Variants in CSNK2A1 observed in about 807,000 individuals in gnomAD.
The protein encoded by CSNK2A1 is casein kinase 2 alpha 1, also known as casein kinase II subunit alpha.
CSNK2A1 carries 10 observed loss-of-function variants against 62.9 expected under a neutral mutation model. That is an observed-to-expected ratio of 0.16 (90% CI 0.10 to 0.27). The LOEUF (loss-of-function observed/expected upper bound fraction) is 0.27. Among genes scored for constraint, CSNK2A1 ranks in the 10% least tolerant of loss-of-function variants. The pLI, the probability that CSNK2A1 is intolerant of heterozygous loss-of-function variation, is 1.00. For missense variants in CSNK2A1, 160 were observed against 492.0 expected, an observed-to-expected ratio of 0.33 and a Z score of 6.38; for synonymous variants, 124 against 167.8, an observed-to-expected ratio of 0.74 and a Z score of 2.02.
intron 12 of CSNK2A1, 103 bp from the exon 13 acceptor site, chr20:486,565 T>C (rs1156919589): frequency 5.1e-6 from 6 of 1,171,448 alleles, no homozygotes; most frequent in Non-Finnish European, 7.1e-6. Flanking sequence ...AATTTATATA[T>C]ACTCTACATT....
chr20:486,621 G>C (rs2018105093), intron 12 of CSNK2A1, 159 bp from the exon 13 acceptor site: 4 of 659,902 alleles, frequency 6.1e-6, no homozygotes, highest in Admixed American at 6.6e-5. Flanking sequence ...CCATGAATTA[G>C]ACAAGTGGTA....
In CSNK2A1 at chr20:508,793, A is replaced by G. The variant is rs141337263; in HGVS notation, c.-109-133T>C. 9.6e-3 allele frequency: 4,113 copies of G among 428,050 alleles called. 31 individuals carry two copies. Among genetic ancestry groups the G allele is most frequent in the Middle Eastern group, 0.027 (45 of 1,658 alleles). 26.5% of individuals were successfully genotyped at this position (428,050 alleles called of 1,614,324 possible). On this transcript the variant is annotated intron_variant, in intron 2 of 13. Transcript: ENST00000217244. ...ACCTACAGCCAATAAATATAGCTCA[A>G]CTGTGTTAACCAGTGCTTCCTATAA...
chr20:531,586 A>G (rs2019214145), intron 1 of CSNK2A1, among the ~76,000 whole-genome samples: 2 of 152,110 alleles, frequency 1.3e-5, no homozygotes, highest in African/African-American at 2.4e-5. Context: ...TTTTTTGAAG[A>G]AAAAAATTAT....
At chr20:516,456 T>C (rs2018830954) in intron 2 of CSNK2A1, among the ~76,000 whole-genome samples, 1 of 152,210 alleles carries the variant, frequency 6.6e-6, no homozygotes, top group Non-Finnish European at 1.5e-5. Context: ...GACCTATTCT[T>C]TAATAAAGTA....
intron 2 of CSNK2A1, among the ~76,000 whole-genome samples, chr20:519,305 T>C (rs564451298): frequency 3.9e-5 from 6 of 152,320 alleles, no homozygotes; most frequent in South Asian, 2.1e-4. Context: ...CTGAAGACAG[T>C]TGAAAATATC....
intron 8 of CSNK2A1, chr20:494,508 T>C (rs181177701): frequency 2.6e-5 from 4 of 152,322 alleles, no homozygotes; most frequent in Admixed American, 6.5e-5. Flanking sequence ...ATGCCAAACT[T>C]TGCATTCCTA....
At chr20:512,214 T>A (rs1165497373) in intron 2 of CSNK2A1, among the ~76,000 whole-genome samples, 2 of 152,030 alleles carry the variant, frequency 1.3e-5, no homozygotes, top group African/African-American at 2.4e-5. Context: ...TCTTCTTTTT[T>A]TTTTTTCAGT....
intron 2 of CSNK2A1, among the ~76,000 whole-genome samples, chr20:513,848 C>G (rs899186761): frequency 4.6e-5 from 7 of 152,336 alleles, no homozygotes; most frequent in African/African-American, 9.6e-5. Context: ...AACAAGCTAA[C>G]TATTTTTGCA....
chr20:526,900 C>T, intron 2 of CSNK2A1: 1 of 151,706 alleles, frequency 6.6e-6, no homozygotes, highest in Non-Finnish European at 1.5e-5. Context: ...TTGCAGTGAG[C>T]TGAGATCATG....
At chr20:519,578 G>C (rs2018902035) in intron 2 of CSNK2A1, among the ~76,000 whole-genome samples, 1 of 152,018 alleles carries the variant, frequency 6.6e-6, no homozygotes, top group African/African-American at 2.4e-5. Context: ...AGACAAGCAA[G>C]TACAGAAAAA....
intron 4 of CSNK2A1, chr20:503,637 G>A (rs1487391871): frequency 1.5e-5 from 6 of 397,540 alleles, no homozygotes; most frequent in Admixed American, 4.4e-5. Flanking sequence ...TATACTCCTC[G>A]CGATGGCATA....
chr20:490,351 T>TTTTTTTTTTTTTTTTTTTTA (rs2018198579), intron 9 of CSNK2A1, among the ~76,000 whole-genome samples: 1 of 91,350 alleles, frequency 1.1e-5, no homozygotes, highest in African/African-American at 5.9e-5. Flanking sequence ...TTTTTTTTTT[T>TTTTTTTTTTTTTTTTTTTTA]AGTTTTTTTT....
chr20:539,719 T>G (rs938688911), intron 1 of CSNK2A1: 1 of 152,266 alleles, frequency 6.6e-6, no homozygotes, highest in Admixed American at 6.5e-5. Context: ...CTCTCTCAAA[T>G]GCAAAATACA....
intron 2 of CSNK2A1, among the ~76,000 whole-genome samples, chr20:516,431 T>C (rs778452205): frequency 7.0e-4 from 106 of 152,180 alleles, no homozygotes; most frequent in Non-Finnish European, 6.5e-4. Flanking sequence ...CGAAGCCAAC[T>C]GCATGGGTCT....
chr20:520,234 G>A (rs2122605563), intron 2 of CSNK2A1, among the ~76,000 whole-genome samples: 2 of 151,866 alleles, frequency 1.3e-5, no homozygotes, highest in Middle Eastern at 6.9e-3. Flanking sequence ...ATATCAGACT[G>A]GATTAAAAAA....
chr20:535,563 G>A (rs571260465), intron 1 of CSNK2A1, among the ~76,000 whole-genome samples: 69 of 151,904 alleles, frequency 4.5e-4, no homozygotes, highest in Non-Finnish European at 5.5e-4. Context: ...TGAGGCCAGC[G>A]TGGCCAACAT....
chr20:539,845 C>T (rs1006233585), intron 1 of CSNK2A1: 3 of 152,224 alleles, frequency 2.0e-5, no homozygotes, highest in African/African-American at 7.2e-5. Flanking sequence ...AACAGTAAGT[C>T]CAATTCCTGG....
At chr20:490,356 T>TTTTTTTTG in intron 9 of CSNK2A1, among the ~76,000 whole-genome samples, 1 of 142,394 alleles carries the variant, frequency 7.0e-6, no homozygotes, top group African/African-American at 2.8e-5. Flanking sequence ...TTTTTTAGTT[T>TTTTTTTTG]TTTTTTTAGT....
rs145379556 is a variant in CSNK2A1 at position 511,694 on chromosome 20, G to GTA, written c.-109-3036_-109-3035dup. ...TAAAGGCTGAATGATATTGCACTGTGTATATATATACACACACACACACAC... is the reference window on the plus strand; with the variant it reads ...TAAAGGCTGAATGATATTGCACTGTGTATATATATATACACACACACACACAC... On this transcript the variant is annotated intron_variant, in intron 2 of 13. Coordinates refer to ENST00000217244, the MANE Select transcript of CSNK2A1 (RefSeq NM_177559.3). 9.9e-3 allele frequency among the ~76,000 whole-genome samples: 1,062 copies of GTA among 106,790 alleles called. 6 individuals are homozygous for GTA. The highest frequency in any genetic ancestry group is 0.051 in the East Asian group (122 of 2,382). 70.1% of individuals were successfully genotyped at this position (106,790 alleles called of 152,430 possible).
Sources: gnomAD v4.1 joint callset for allele counts (sites outside exome capture counted in the v4.1 genomes callset) on GRCh38, gnomAD v4.1.1 for gene constraint, MANE v1.5 for transcripts, NCBI Gene and HGNC (gene_info 2026-07-23, HGNC 2026-07-21) for gene names.